ZNF548: variants seen among roughly 807,000 people sequenced by gnomAD.
The protein encoded by ZNF548 is zinc finger protein 548.
ZNF548 carries 10 observed loss-of-function variants against 10.2 expected under a neutral mutation model. That is an observed-to-expected ratio of 0.98 (90% confidence interval 0.60 to 1.66). The LOEUF (loss-of-function observed/expected upper bound fraction) is 1.66. Among genes scored for constraint, ZNF548 ranks in the 40% most tolerant of loss-of-function variants. ZNF548 has a pLI of 0.00. For synonymous variants in ZNF548, 217 were observed against 223.5 expected, an observed-to-expected ratio of 0.97 and a Z score of 0.26; for missense variants, 599 against 657.0, an observed-to-expected ratio of 0.91 and a Z score of 0.97.
chr19:57,397,638 G>T (rs771676823), intron 3 of ZNF548, among the ~76,000 whole-genome samples: 19 of 152,166 alleles, frequency 1.2e-4, no homozygotes, highest in Non-Finnish European at 2.1e-4. Flanking sequence ...ATAGAATGTG[G>T]GATGCCATGG....
Position 57,402,247 on chromosome 19 carries a change from A to G in ZNF548, c.*2358A>G, listed in dbSNP as rs1038806771. On this transcript the variant is annotated 3_prime_UTR_variant, in exon 4 of 4. Coordinates refer to ENST00000336128, the MANE Select transcript of ZNF548 (RefSeq NM_001172773.2). ...ATGTGGATTCTCTATTTTATTGGTC[A>G]TATGTCTGTCTTTATGTCAGTACCA... 6.6e-6 allele frequency: 1 copy of G among 152,190 alleles called. No individual in the cohort carries two copies. Among genetic ancestry groups the G allele is most frequent in the Non-Finnish European group, 1.5e-5 (1 of 68,042 alleles). 9.4% of individuals were successfully genotyped at this position (152,190 alleles called of 1,614,324 possible). A position where few individuals can be genotyped will look rare whatever the true frequency, so the allele number is the denominator to read the frequency against.
Position 57,400,014 on chromosome 19 carries a change from C to G in ZNF548, c.*125C>G. 1 of 718,500 alleles carries G rather than the reference C, an allele frequency of 1.4e-6. No homozygotes were observed. Among genetic ancestry groups the G allele is most frequent in the Non-Finnish European group, 2.2e-6 (1 of 448,062 alleles). 44.5% of individuals were successfully genotyped at this position (718,500 alleles called of 1,614,324 possible). On this transcript the variant is annotated 3_prime_UTR_variant, in exon 4 of 4. Transcript: ENST00000336128. Reference sequence around the variant, plus strand: ...ATTAACAACAACTCATTCCCCTTCCCTACTTCCCCAGAAATGTCTCAACTA... The same window carrying G: ...ATTAACAACAACTCATTCCCCTTCCGTACTTCCCCAGAAATGTCTCAACTA...
chr19:57,395,733 TG>T lies in ZNF548; in HGVS notation c.52-1311del, dbSNP rs2088660330. 1.3e-5 allele frequency among the ~76,000 whole-genome samples: 2 copies of T among 152,184 alleles called. No homozygotes were observed. Among genetic ancestry groups the T allele is most frequent in the South Asian group, 4.1e-4 (2 of 4,820 alleles). The stretch of plus-strand genomic sequence containing the variant: ...ATTACAATTTGACATGAGATTTGGG[TG>T]GGGACACAGAGCCAAACCATATCAG... On this transcript the variant is annotated intron_variant, in intron 2 of 3. Coordinates refer to ENST00000336128, the MANE Select transcript of ZNF548 (RefSeq NM_001172773.2). The surrounding 1 kb of genome is among the most constrained non-coding windows in gnomAD (Gnocchi z 4.8).
Position 57,400,086 on chromosome 19 carries a change from A to G in ZNF548, c.*197A>G, listed in dbSNP as rs757720828. ...TTATATGAGGTACCAATAGATATCT[A>G]TGAATTTGATATATATTTGTACCTC... On this transcript the variant is annotated 3_prime_UTR_variant, in exon 4 of 4. Transcript: ENST00000336128. 21 of 527,980 alleles carry G rather than the reference A, an allele frequency of 4.0e-5. No individual in the cohort carries two copies. The highest frequency in any genetic ancestry group is 6.5e-5 in the South Asian group (2 of 30,784). The allele number at this position is 527,980 out of a possible 1,614,324, so 32.7% of individuals were successfully genotyped here.
chr19:57,393,389 G>C (rs1568531133), intron 1 of ZNF548, among the ~76,000 whole-genome samples: 1 of 151,952 alleles, frequency 6.6e-6, no homozygotes, highest in African/African-American at 2.4e-5. Context: ...AGCCGGGTGT[G>C]GTGGCTCACA....
rs773210059 is a variant in ZNF548, at chr19:57,397,297, A to T, written c.178+123A>T. The T allele has an allele frequency of 3.4e-5, 47 of 1,382,326 alleles. No individual in the cohort carries two copies. In the East Asian group the frequency reaches 3.5e-4, roughly 10 times the overall value. The allele number at this position is 1,382,326 out of a possible 1,614,324, so 85.6% of individuals were successfully genotyped here. A position where few individuals can be genotyped will look rare whatever the true frequency, so the allele number is the denominator to read the frequency against. ...CTGCTTCTTTTCCCTGTTTCTTGGCATATATGCTGTGGGAGGCAGGGCTGG... is the reference window on the plus strand; with the variant it reads ...CTGCTTCTTTTCCCTGTTTCTTGGCTTATATGCTGTGGGAGGCAGGGCTGG... On this transcript the variant is annotated intron_variant, in intron 3 of 3. Transcript: ENST00000336128.
chr19:57,392,959 G>C, intron 1 of ZNF548: 1 of 985,722 alleles, frequency 1.0e-6, no homozygotes, highest in Non-Finnish European at 1.2e-6. Context: ...GTAAGCATAT[G>C]GCCTGGGATG....
At position 57,399,391 on chromosome 19, in the gene ZNF548, T is replaced by G. The variant is rs779166238; in HGVS notation, c.1140T>G (p.Ser380Arg). 1.2e-6 allele frequency: 2 copies of G among 1,609,726 alleles called. No homozygotes were observed. Among genetic ancestry groups the G allele is most frequent in the Admixed American group, 3.4e-5 (2 of 59,662 alleles). The stretch of plus-strand genomic sequence containing the variant: ...CTGGAGAAAGGCCTTATGAGTGCAG[T>G]GTATGTGGGGAATTGTTTAGGTACA... Reference protein sequence around the residue: ...IHTGERPYECSVCGELFRYNS... With the variant: ...IHTGERPYECRVCGELFRYNS... The change falls in exon 4 of 4, where the codon AGT (serine) becomes AGG (arginine). Residue 380 changes from serine (S) to arginine (R), a missense_variant. Ser to Arg is a moderately radical substitution (Grantham distance 110). Transcript: ENST00000336128. The surrounding 1 kb of genome is among the most constrained non-coding windows in gnomAD (Gnocchi z 4.0).
In ZNF548 at chr19:57,399,157, T is replaced by G. The variant is rs1219008723; in HGVS notation, c.906T>G (p.Phe302Leu). The G allele has an allele frequency of 1.2e-6, 2 of 1,613,998 alleles. No homozygotes were observed. The highest frequency in any genetic ancestry group is 1.3e-5 in the African/African-American group (1 of 74,884). ...AGTGCAACACATGTGGGAAATTCTT[T>G]CGGTACAGCTCCACATTTGTTAGAC... is the stretch of plus-strand genomic sequence containing the variant. ...PYECNTCGKF[F>L]RYSSTFVRHQ... The change falls in exon 4 of 4, where the codon TTT becomes TTG. Residue 302 changes from phenylalanine (F) to leucine (L), a missense_variant. By Grantham distance (22) the Phe-to-Leu change is conservative. Coordinates refer to ENST00000336128, the MANE Select transcript of ZNF548 (RefSeq NM_001172773.2). This position sits in a 1 kb window ranked among gnomAD's most constrained non-coding sequence, Gnocchi z 4.0.
intron 2 of ZNF548, among the ~76,000 whole-genome samples, chr19:57,396,065 C>T (rs1410626936): frequency 2.6e-5 from 4 of 152,086 alleles, no homozygotes. Context: ...TGCAGAGTGG[C>T]CTGTTAGGAG....
At position 57,401,473 on chromosome 19, in the gene ZNF548, G is replaced by A. The variant is rs935866267; in HGVS notation, c.*1584G>A. Reference sequence around the variant, plus strand: ...CTAATGATAATCTATATAGGAAGATGTGTGTAGGTTATATTCAAACACTAT... The same window carrying A: ...CTAATGATAATCTATATAGGAAGATATGTGTAGGTTATATTCAAACACTAT... On this transcript the variant is annotated 3_prime_UTR_variant, in exon 4 of 4. Coordinates refer to ENST00000336128, the MANE Select transcript of ZNF548 (RefSeq NM_001172773.2). 13 of 152,104 alleles carry A rather than the reference G, an allele frequency of 8.5e-5. No individual in the cohort carries two copies. Among genetic ancestry groups the A allele is most frequent in the African/African-American group, 3.1e-4 (13 of 41,404 alleles). 9.4% of individuals were successfully genotyped at this position (152,104 alleles called of 1,614,324 possible).
rs185469801 is a variant in ZNF548, at chr19:57,395,913, A to T, written c.52-1135A>T. Reference sequence around the variant, plus strand: ...ACATGGTTTGGGCAGCTGACAGTGAAGTGAGAAACAGGGCCGTGTAGGGAA... The same window carrying T: ...ACATGGTTTGGGCAGCTGACAGTGATGTGAGAAACAGGGCCGTGTAGGGAA... On this transcript the variant is annotated intron_variant, in intron 2 of 3. Coordinates refer to ENST00000336128, the MANE Select transcript of ZNF548 (RefSeq NM_001172773.2). This position sits in a 1 kb window ranked among gnomAD's most constrained non-coding sequence, Gnocchi z 4.8. Among the ~76,000 whole-genome samples the T allele has an allele frequency of 6.6e-6, 1 of 152,322 alleles. No homozygotes were observed. Among genetic ancestry groups the T allele is most frequent in the East Asian group, 1.9e-4 (1 of 5,188 alleles).
Position 57,399,219 on chromosome 19 carries a change from G to A in ZNF548, c.968G>A (p.Cys323Tyr). The change falls in exon 4 of 4, where the codon TGC (cysteine) becomes TAC (tyrosine). Residue 323 changes from cysteine (C) to tyrosine (Y), a missense_variant. Transcript: ENST00000336128. This position sits in a 1 kb window ranked among gnomAD's most constrained non-coding sequence, Gnocchi z 4.0. The part of the protein sequence containing the change: ...RVHTGERPYE[C>Y]RECGKFFMDS... Reference sequence around the variant, plus strand: ...CACACCGGAGAAAGGCCGTATGAGTGCAGGGAATGTGGGAAATTCTTTATG... The same window carrying A: ...CACACCGGAGAAAGGCCGTATGAGTACAGGGAATGTGGGAAATTCTTTATG... 2 of 1,614,184 alleles carry A rather than the reference G, an allele frequency of 1.2e-6. No individual in the cohort carries two copies. The highest frequency in any genetic ancestry group is 1.1e-5 in the South Asian group (1 of 91,088).
chr19:57,395,617 G>T lies in ZNF548; in HGVS notation c.51+1394G>T, dbSNP rs78567460. 6.6e-6 allele frequency among the ~76,000 whole-genome samples: 1 copy of T among 152,214 alleles called. No individual in the cohort carries two copies. The highest frequency in any genetic ancestry group is 2.4e-5 in the African/African-American group (1 of 41,544). On this transcript the variant is annotated intron_variant, in intron 2 of 3. Transcript: ENST00000336128. The surrounding 1 kb of genome is among the most constrained non-coding windows in gnomAD (Gnocchi z 4.8). ...AAACACTTTTAAACAACCAGATCTC[G>T]TGAGAACTTACTATTATGAGAAAGG...
At chr19:57,397,351 A>G in intron 3 of ZNF548, 177 bp downstream of exon 3, 1 of 958,920 alleles carries the variant, frequency 1.0e-6, no homozygotes, top group Non-Finnish European at 1.5e-6. Context: ...CCTTTTTCCT[A>G]GCATCCCCAT....
At position 57,395,878 on chromosome 19, in the gene ZNF548, G is replaced by T. The variant is rs535476312; in HGVS notation, c.52-1170G>T. Among the ~76,000 whole-genome samples the T allele has an allele frequency of 2.0e-5, 3 of 152,192 alleles. No homozygotes were observed. Among genetic ancestry groups the T allele is most frequent in the Middle Eastern group, 3.4e-3 (1 of 294 alleles). ...GAGGCAGGACACAGCTGAGAGTATG[G>T]GAAGTCCTCACATGGTTTGGGCAGC... is the stretch of plus-strand genomic sequence containing the variant. On this transcript the variant is annotated intron_variant, in intron 2 of 3. Coordinates refer to ENST00000336128, the MANE Select transcript of ZNF548 (RefSeq NM_001172773.2). This position sits in a 1 kb window ranked among gnomAD's most constrained non-coding sequence, Gnocchi z 4.8.
At position 57,390,036 on chromosome 19, in the gene ZNF548, C is replaced by A. The variant is rs2088611204; in HGVS notation, c.-64C>A. 1 of 1,591,122 alleles carries A rather than the reference C, an allele frequency of 6.3e-7. No homozygotes were observed. The highest frequency in any genetic ancestry group is 1.3e-5 in the African/African-American group (1 of 74,796). On this transcript the variant is annotated 5_prime_UTR_variant, in exon 1 of 4. Coordinates refer to ENST00000336128, the MANE Select transcript of ZNF548 (RefSeq NM_001172773.2). ...TGACAAGCGCTGGGGACAGTGGCGT[C>A]CTTGTCTTGCCTTTGTCGCTCCCGC...
At chr19:57,394,939 A>T (rs1257206927) in intron 2 of ZNF548, among the ~76,000 whole-genome samples, 1 of 152,094 alleles carries the variant, frequency 6.6e-6, no homozygotes, top group Non-Finnish European at 1.5e-5. Flanking sequence ...AGAAGTCAGC[A>T]GTATTAGGAA....
At chr19:57,391,293 C>T (rs956042587) in intron 1 of ZNF548, among the ~76,000 whole-genome samples, 1 of 113,262 alleles carries the variant, frequency 8.8e-6, no homozygotes, top group African/African-American at 2.9e-5. Flanking sequence ...GACATAGTTT[C>T]ATGCTTTTTT....
Sources: gnomAD v4.1 joint callset for allele counts (sites outside exome capture counted in the v4.1 genomes callset) on GRCh38, gnomAD v4.1.1 for gene constraint, Gnocchi (gnomAD v3.1) non-coding constraint, MANE v1.5 for transcripts, NCBI Gene and HGNC (gene_info 2026-07-23, HGNC 2026-07-21) for gene names.